Variants in POLN observed in about 807,000 individuals in gnomAD.
POLN encodes DNA polymerase N.
POLN carries 108 observed loss-of-function variants against 113.5 expected under a neutral mutation model. That is an observed-to-expected ratio of 0.95 (90% CI 0.81 to 1.12). The LOEUF is 1.12. Ranked by LOEUF, POLN falls within the 50% of genes most tolerant of loss-of-function variation. The pLI is 0.00. For missense variants in POLN, 1,097 were observed against 1,077.1 expected, an observed-to-expected ratio of 1.02 and a Z score of -0.26; for synonymous variants, 386 against 391.5, an observed-to-expected ratio of 0.99 and a Z score of 0.17.
chr4:2,232,076 T>C, intron 2 of POLN: 1 of 1,602,164 alleles, frequency 6.2e-7, no homozygotes. Context: ...TTTCTTTTTG[T>C]CTTCACATCA....
intron 5 of POLN, among the ~76,000 whole-genome samples, chr4:2,206,855 C>T (rs1733857035): frequency 6.6e-6 from 1 of 152,164 alleles, no homozygotes; most frequent in Non-Finnish European, 1.5e-5. Context: ...CCTTAAAGAA[C>T]TAAAAGTAGA....
At chr4:2,136,593 C>A (rs536211147) in intron 16 of POLN, among the ~76,000 whole-genome samples, 1 of 152,198 alleles carries the variant, frequency 6.6e-6, no homozygotes, top group Non-Finnish European at 1.5e-5. Flanking sequence ...GCTGAGATGA[C>A]GTTTTAATTC....
chr4:2,147,364 G>C (rs1246838130), intron 16 of POLN, among the ~76,000 whole-genome samples: 1 of 152,154 alleles, frequency 6.6e-6, no homozygotes, highest in Non-Finnish European at 1.5e-5. Flanking sequence ...CTTCCCATGA[G>C]GAGGCCTTCG....
At chr4:2,155,249 A>G (rs183835349) in intron 16 of POLN, among the ~76,000 whole-genome samples, 26 of 152,220 alleles carry the variant, frequency 1.7e-4, no homozygotes, top group Non-Finnish European at 3.1e-4. Flanking sequence ...AGGAGATGGC[A>G]CTGGTATTCA....
chr4:2,210,772 T>G (rs1171161187), intron 4 of POLN, among the ~76,000 whole-genome samples: 1 of 148,396 alleles, frequency 6.7e-6, no homozygotes, highest in Non-Finnish European at 1.5e-5. Context: ...AATAAAAAAA[T>G]TAGCCGGGCA....
chr4:2,231,906 A>G (rs752010548), intron 2 of POLN: 14 of 998,802 alleles, frequency 1.4e-5, no homozygotes, highest in Non-Finnish European at 2.0e-5. Flanking sequence ...CACGTAATAA[A>G]GATTCAGTTT....
chr4:2,214,598 G>A (rs943748491), intron 3 of POLN, among the ~76,000 whole-genome samples: 1 of 152,118 alleles, frequency 6.6e-6, no homozygotes, highest in Non-Finnish European at 1.5e-5. Context: ...TCAGGGAAAC[G>A]CAAATTAACT....
At chr4:2,078,442 C>T (rs938379911) in intron 23 of POLN, 2 of 477,352 alleles carry the variant, frequency 4.2e-6, no homozygotes, top group Non-Finnish European at 5.5e-6. Context: ...CCTGGGCAGA[C>T]CCTTGGGGTG....
chr4:2,078,325 CCT>C (rs1474934409), intron 23 of POLN, among the ~76,000 whole-genome samples: 1 of 152,246 alleles, frequency 6.6e-6, no homozygotes, highest in Non-Finnish European at 1.5e-5. Context: ...CTGAGCCCAA[CCT>C]CTCTGGTCTT....
intron 24 of POLN, among the ~76,000 whole-genome samples, chr4:2,073,669 C>T (rs1730207045): frequency 6.6e-6 from 1 of 152,226 alleles, no homozygotes; most frequent in South Asian, 2.1e-4. Context: ...TCAGGGCTTG[C>T]TCTGAAACCT....
intron 3 of POLN, among the ~76,000 whole-genome samples, chr4:2,226,541 T>C (rs1159942607): frequency 6.6e-6 from 1 of 152,228 alleles, no homozygotes; most frequent in Non-Finnish European, 1.5e-5. Flanking sequence ...CTTACATTAA[T>C]GTGTTTTGCA....
intron 21 of POLN, 144 bp downstream of exon 21, chr4:2,085,469 T>A: frequency 9.5e-7 from 1 of 1,047,496 alleles, no homozygotes; most frequent in Non-Finnish European, 1.4e-6. Flanking sequence ...GCCTTATTTG[T>A]CCAATAAGAG....
At chr4:2,100,908 A>G (rs1281007293) in intron 19 of POLN, among the ~76,000 whole-genome samples, 1 of 152,254 alleles carries the variant, frequency 6.6e-6, no homozygotes, top group East Asian at 1.9e-4. Context: ...TTAGAAGCTC[A>G]TTAATGTAAA....
At chr4:2,136,404 G>C (rs1265252643) in intron 16 of POLN, among the ~76,000 whole-genome samples, 1 of 152,236 alleles carries the variant, frequency 6.6e-6, no homozygotes, top group Non-Finnish European at 1.5e-5. Flanking sequence ...CTCATGGGTT[G>C]CTCTGGGCAG....
chr4:2,214,859 T>A lies in POLN; in HGVS notation c.134-1733A>T, dbSNP rs73796967. 2.3e-3 allele frequency among the ~76,000 whole-genome samples: 342 copies of A among 151,312 alleles called. 1 individual carries two copies. Among genetic ancestry groups the A allele is most frequent in the African/African-American group, 7.9e-3 (323 of 41,030 alleles). ...CTAAACTTAGGATATGTGTGCTGTT[T>A]TATATATATACACACACACATATAC... On this transcript the variant is annotated intron_variant, in intron 3 of 25. Coordinates refer to ENST00000511885, the MANE Select transcript of POLN (RefSeq NM_181808.4).
intron 20 of POLN, 110 bp downstream of exon 20, chr4:2,095,741 C>T (rs779524165): frequency 7.2e-6 from 7 of 970,422 alleles, no homozygotes; most frequent in Non-Finnish European, 1.2e-5. Flanking sequence ...GCATAAACAA[C>T]ACCCAGGGAC....
At chr4:2,083,116 C>T in intron 21 of POLN, 1 of 152,300 alleles carries the variant, frequency 6.6e-6, no homozygotes, top group Non-Finnish European at 1.5e-5. Context: ...AATTTTTGTG[C>T]CTAGTCCCGT....
intron 16 of POLN, among the ~76,000 whole-genome samples, chr4:2,156,018 A>G (rs1732414440): frequency 6.6e-6 from 1 of 152,086 alleles, no homozygotes; most frequent in African/African-American, 2.4e-5. Context: ...TGTTTTTAGT[A>G]GAGACGGGGT....
intron 7 of POLN, among the ~76,000 whole-genome samples, chr4:2,179,691 A>G (rs953568371): frequency 4.6e-5 from 7 of 152,222 alleles, no homozygotes; most frequent in African/African-American, 1.7e-4. Context: ...TGGGTGTCAC[A>G]TTAAAGAGGC....
Sources: allele counts gnomAD v4.1 joint callset (sites outside exome capture counted in the v4.1 genomes callset), GRCh38; gene constraint gnomAD v4.1.1; transcripts MANE v1.5; gene names NCBI Gene and HGNC (gene_info 2026-07-23, HGNC 2026-07-21).